MYO1E: variants seen among roughly 807,000 people sequenced by gnomAD.
MYO1E encodes unconventional myosin-Ie.
In MYO1E, 68 loss-of-function variants were observed where a neutral mutation model predicts 151.1. The observed-to-expected ratio is 0.45, with a 90% CI of 0.37 to 0.55. The LOEUF is 0.55. MYO1E is among the 20% of genes least tolerant of loss of function. The probability of loss-of-function intolerance (pLI) is 0.00; values close to 1 mark genes in which losing one functional copy is unlikely to be tolerated. For missense variants in MYO1E, 1,363 were observed against 1,389.3 expected (o/e 0.98, Z 0.30); for synonymous variants, 601 against 501.7 (o/e 1.20, Z -2.64).
intron 4 of MYO1E, among the ~76,000 whole-genome samples, chr15:59,239,552 G>A (rs1355862341): frequency 6.6e-6 from 1 of 152,022 alleles, no homozygotes; most frequent in Non-Finnish European, 1.5e-5. Context: ...TCCTCCCACT[G>A]TGTCTTTGGT....
chr15:59,255,830 C>T lies in MYO1E; in HGVS notation c.332+454G>A, dbSNP rs1029122889. The stretch of plus-strand genomic sequence containing the variant: ...CAGCCCACAGGTTGGACAAGCTTGA[C>T]TTAAACCCAGCCAGGATTCAGAGCC... On this transcript the variant is annotated intron_variant, in intron 4 of 27. Coordinates refer to ENST00000288235, the MANE Select transcript of MYO1E (RefSeq NM_004998.4). Among the ~76,000 whole-genome samples the T allele has an allele frequency of 2.6e-5, 4 of 152,214 alleles. No individual in the cohort carries two copies. The East Asian group carries it at 5.8e-4, about 22-fold the overall frequency.
chr15:59,154,054 G>A (rs900033873), intron 25 of MYO1E, among the ~76,000 whole-genome samples: 6 of 152,308 alleles, frequency 3.9e-5, no homozygotes, highest in Admixed American at 1.3e-4. Flanking sequence ...ACAATGCATG[G>A]TCAACTTCCC....
At chr15:59,227,655 T>A in intron 6 of MYO1E, 65 bp from the exon 7 acceptor site, 1 of 1,572,732 alleles carries the variant, frequency 6.4e-7, no homozygotes, top group South Asian at 1.1e-5. Context: ...CAAACAGGCT[T>A]TGAATACAGT....
chr15:59,200,925 G>A (rs774606846), intron 16 of MYO1E, among the ~76,000 whole-genome samples: 15 of 152,052 alleles, frequency 9.9e-5, no homozygotes, highest in South Asian at 2.1e-4. Context: ...GCTGAGATTC[G>A]AACACAGGCG....
chr15:59,341,660 T>C (rs1310410618), intron 1 of MYO1E, among the ~76,000 whole-genome samples: 2 of 152,252 alleles, frequency 1.3e-5, no homozygotes, highest in Non-Finnish European at 2.9e-5. Flanking sequence ...TTCATATTCT[T>C]GCAAATGACA....
intron 16 of MYO1E, among the ~76,000 whole-genome samples, chr15:59,198,507 A>G (rs1421753087): frequency 6.6e-6 from 1 of 152,176 alleles, no homozygotes; most frequent in African/African-American, 2.4e-5. Context: ...CTAGAGATTG[A>G]AATACATATT....
intron 22 of MYO1E, among the ~76,000 whole-genome samples, chr15:59,168,564 T>C (rs957192205): frequency 3.3e-5 from 5 of 151,924 alleles, no homozygotes; most frequent in South Asian, 4.2e-4. Flanking sequence ...AAAAGTAGTA[T>C]AGAATGAACC....
intron 1 of MYO1E, among the ~76,000 whole-genome samples, chr15:59,307,018 G>C (rs1376057635): frequency 5.3e-5 from 8 of 152,224 alleles, no homozygotes; most frequent in Non-Finnish European, 8.8e-5. Context: ...TCAGAGACTT[G>C]AGAACGGGAT....
chr15:59,356,528 T>C (rs907666164), intron 1 of MYO1E, among the ~76,000 whole-genome samples: 1 of 152,118 alleles, frequency 6.6e-6, no homozygotes, highest in Non-Finnish European at 1.5e-5. Flanking sequence ...GACCTGGGGG[T>C]AGTTTTAAAG....
intron 17 of MYO1E, 137 bp downstream of exon 17, chr15:59,195,324 T>C: frequency 1.3e-6 from 1 of 798,136 alleles, no homozygotes; most frequent in Non-Finnish European, 2.2e-6. Flanking sequence ...GCTTTTGTCC[T>C]GAAAAAGTTA....
intron 14 of MYO1E, chr15:59,207,761 A>G (rs1271592970): frequency 6.2e-7 from 1 of 1,614,208 alleles, no homozygotes; most frequent in Admixed American, 1.7e-5. Flanking sequence ...AAAGATCCTG[A>G]GCAATGGAAA....
intron 1 of MYO1E, among the ~76,000 whole-genome samples, chr15:59,339,568 G>A (rs1417258099): frequency 6.6e-6 from 1 of 152,130 alleles, no homozygotes; most frequent in Non-Finnish European, 1.5e-5. Flanking sequence ...GGCATGTTAG[G>A]CTCCCATCCC....
chr15:59,143,052 A>C (rs2079420301), intron 26 of MYO1E, among the ~76,000 whole-genome samples: 1 of 152,224 alleles, frequency 6.6e-6, no homozygotes, highest in East Asian at 1.9e-4. Flanking sequence ...GGACGCAAAA[A>C]GCTGTGTGTA....
At chr15:59,337,549 G>A (rs749284365) in intron 1 of MYO1E, among the ~76,000 whole-genome samples, 1 of 152,090 alleles carries the variant, frequency 6.6e-6, no homozygotes, top group Non-Finnish European at 1.5e-5. Context: ...TATTTCGCTC[G>A]GCTGGGCACA....
intron 1 of MYO1E, among the ~76,000 whole-genome samples, chr15:59,319,136 C>A (rs1380967038): frequency 6.6e-6 from 1 of 151,954 alleles, no homozygotes; most frequent in Non-Finnish European, 1.5e-5. Context: ...CATGGTGAAA[C>A]CCCATCTTTA....
intron 14 of MYO1E, chr15:59,206,964 G>A (rs1596364910): frequency 1.9e-6 from 3 of 1,613,798 alleles, no homozygotes; most frequent in African/African-American, 1.3e-5. Flanking sequence ...TGCCTGTTGT[G>A]CGGGCCAGCC....
chr15:59,201,298 C>T (rs980551349), intron 16 of MYO1E, among the ~76,000 whole-genome samples: 7 of 151,812 alleles, frequency 4.6e-5, no homozygotes, highest in Admixed American at 3.3e-4. Flanking sequence ...CTCATTATAT[C>T]GCACAGGTTG....
rs35457560 is a variant in MYO1E at position 59,338,284 on chromosome 15, CT to C, written c.3+34213del. 5.4e-3 allele frequency among the ~76,000 whole-genome samples: 695 copies of C among 128,602 alleles called. 2 individuals are homozygous for C. The highest frequency in any genetic ancestry group is 8.2e-3 in the Non-Finnish European group (501 of 60,990). 84.4% of individuals were successfully genotyped at this position (128,602 alleles called of 152,430 possible). ...GCTATATAAACTAGATCAGTATTGA[CT>C]TTTTTTTTTTTTTTTTGCTTGAAAG... is the stretch of plus-strand genomic sequence containing the variant. On this transcript the variant is annotated intron_variant, in intron 1 of 27. Transcript: ENST00000288235.
chr15:59,178,926 T>C (rs1173902350), intron 18 of MYO1E, among the ~76,000 whole-genome samples: 1 of 152,246 alleles, frequency 6.6e-6, no homozygotes. Flanking sequence ...TAACACTTAA[T>C]GCAAAGAGTT....
Sources: allele counts gnomAD v4.1 joint callset (sites outside exome capture counted in the v4.1 genomes callset), GRCh38; gene constraint gnomAD v4.1.1; transcripts MANE v1.5; gene names NCBI Gene and HGNC (gene_info 2026-07-23, HGNC 2026-07-21).